The following SDC3 variants were observed in gnomAD, a reference collection of about 807,000 sequenced individuals.
SDC3 encodes the protein syndecan 3.
A neutral mutation model predicts 24.4 loss-of-function variants in SDC3; 13 were observed. The ratio of observed to expected loss-of-function variants is 0.53; its 90% CI spans 0.35 to 0.85. The LOEUF (loss-of-function observed/expected upper bound fraction) is 0.85, where lower values mean the gene tolerates loss of function less well. Among genes scored for constraint, SDC3 ranks in the 40% least tolerant of loss-of-function variants. The probability of loss-of-function intolerance (pLI) is 0.01; values close to 1 mark genes in which losing one functional copy is unlikely to be tolerated. For missense variants in SDC3, 571 were observed against 584.5 expected, an observed-to-expected ratio of 0.98 and a Z score of 0.24; for synonymous variants, 295 against 260.9, an observed-to-expected ratio of 1.13 and a Z score of -1.26.
intron 1 of SDC3, among the ~76,000 whole-genome samples, chr1:30,904,362 TG>T (rs1374164393): frequency 2.6e-5 from 4 of 152,058 alleles, no homozygotes; most frequent in Admixed American, 6.5e-5. Flanking sequence ...CCACTTGGGA[TG>T]AGCCCCCCCT....
At chr1:30,895,339 C>T (rs1639985928) in intron 1 of SDC3, among the ~76,000 whole-genome samples, 1 of 152,184 alleles carries the variant, frequency 6.6e-6, no homozygotes, top group South Asian at 2.1e-4. Context: ...CCTTGCAGAC[C>T]ATCCCTCAAG....
At chr1:30,890,866 C>T (rs182038267) in intron 1 of SDC3, among the ~76,000 whole-genome samples, 67 of 152,302 alleles carry the variant, frequency 4.4e-4, no homozygotes, top group African/African-American at 1.6e-3. Context: ...ACAGCCCCCG[C>T]CCCCAGACAG....
intron 1 of SDC3, among the ~76,000 whole-genome samples, chr1:30,898,650 C>A (rs78539916): frequency 2.0e-5 from 3 of 152,126 alleles, no homozygotes; most frequent in African/African-American, 7.2e-5. Flanking sequence ...AGACAAGCCA[C>A]GTGAAGGGAG....
At chr1:30,897,487 A>T (rs1638297204) in intron 1 of SDC3, among the ~76,000 whole-genome samples, 1 of 152,186 alleles carries the variant, frequency 6.6e-6, no homozygotes, top group East Asian at 1.9e-4. Flanking sequence ...CCATAGCCCC[A>T]TACAGACAGA....
Position 30,895,475 on chromosome 1 carries a change from C to T in SDC3, c.138+12974G>A, listed in dbSNP as rs562067780. ...AGAGGCCATGTAGGGGCTTCAGCCC[C>T]GGGGAAGCTGTTCCACTTCTCACTG... On this transcript the variant is annotated intron_variant, in intron 1 of 4. Coordinates refer to ENST00000339394, the MANE Select transcript of SDC3 (RefSeq NM_014654.4). Among the ~76,000 whole-genome samples the T allele has an allele frequency of 3.3e-5, 5 of 152,246 alleles. No individual in the cohort carries two copies. In the South Asian group the frequency reaches 6.2e-4, roughly 19 times the overall value.
rs1341436463 is a variant in SDC3, at chr1:30,908,514, GCCCGGCCGCGGC to G, written c.61_72del (p.Ala21_Gly24del). 3.8e-5 allele frequency: 37 copies of G among 976,920 alleles called. No individual in the cohort carries two copies. The highest frequency in any genetic ancestry group is 4.5e-5 in the South Asian group (1 of 21,998). 60.5% of individuals were successfully genotyped at this position (976,920 alleles called of 1,614,324 possible). On this transcript the variant is annotated inframe_deletion, in exon 1 of 5. Coordinates refer to ENST00000339394, the MANE Select transcript of SDC3 (RefSeq NM_014654.4). ...GGCAGGAGCAGCCCGCGGGCCCCGG[GCCCGGCCGCGGC>G]CCCGGCCCCGGCGCCGGCCCCGTGG...
At chr1:30,891,360 C>T (rs559497839) in intron 1 of SDC3, among the ~76,000 whole-genome samples, 167 of 152,374 alleles carry the variant, frequency 1.1e-3, no homozygotes, top group African/African-American at 3.3e-3. Context: ...AGCTGGCAGC[C>T]GCCAAGCCCC....
intron 1 of SDC3, among the ~76,000 whole-genome samples, chr1:30,888,872 G>C (rs565550878): frequency 1.3e-5 from 2 of 152,348 alleles, no homozygotes; most frequent in African/African-American, 4.8e-5. Flanking sequence ...CTGAGGCACA[G>C]AGCAAGGCAT....
chr1:30,896,876 T>C (rs1329565734), intron 1 of SDC3, among the ~76,000 whole-genome samples: 6 of 152,024 alleles, frequency 3.9e-5, no homozygotes, highest in Non-Finnish European at 7.4e-5. Flanking sequence ...GCCAGGAGAA[T>C]TGCTTGAACC....
At chr1:30,874,016 A>G (rs1466121593) in intron 4 of SDC3, among the ~76,000 whole-genome samples, 2 of 152,136 alleles carry the variant, frequency 1.3e-5, no homozygotes, top group African/African-American at 4.8e-5. Flanking sequence ...GGCCCAGGAA[A>G]GCAGGGATCA....
rs960984752 is a variant in SDC3 at position 30,905,010 on chromosome 1, G to A, written c.138+3439C>T. 2.6e-5 allele frequency among the ~76,000 whole-genome samples: 4 copies of A among 152,300 alleles called. No individual in the cohort carries two copies. The South Asian group carries it at 6.2e-4, about 24-fold the overall frequency. On this transcript the variant is annotated intron_variant, in intron 1 of 4. Transcript: ENST00000339394. The stretch of plus-strand genomic sequence containing the variant: ...CACACAGCAGGTGTCTGTCCCCAGA[G>A]CCCCTGGTACCTTGGGAGCTAACAG...
chr1:30,905,581 G>A (rs1018672225), intron 1 of SDC3, among the ~76,000 whole-genome samples: 1 of 151,992 alleles, frequency 6.6e-6, no homozygotes, highest in Non-Finnish European at 1.5e-5. Flanking sequence ...GGCACAGAGA[G>A]GTTAGGTAAC....
In SDC3 at chr1:30,872,551, C is replaced by T. The variant is rs1639557924; in HGVS notation, c.*660G>A. On this transcript the variant is annotated 3_prime_UTR_variant, in exon 5 of 5. Coordinates refer to ENST00000339394, the MANE Select transcript of SDC3 (RefSeq NM_014654.4). The stretch of plus-strand genomic sequence containing the variant: ...GGGACATCAGAGCAGCCCCTCCTCA[C>T]CAGTGGCTGCCCCAGCACCCTCAGG... 1 of 152,634 alleles carries T rather than the reference C, an allele frequency of 6.6e-6. No individual in the cohort carries two copies. Among genetic ancestry groups the T allele is most frequent in the African/African-American group, 2.4e-5 (1 of 41,384 alleles). 9.5% of individuals were successfully genotyped at this position (152,634 alleles called of 1,614,324 possible). A position where few individuals can be genotyped will look rare whatever the true frequency, so the allele number is the denominator to read the frequency against.
At chr1:30,884,401 G>A (rs1239789517) in intron 1 of SDC3, among the ~76,000 whole-genome samples, 1 of 151,866 alleles carries the variant, frequency 6.6e-6, no homozygotes, top group Non-Finnish European at 1.5e-5. Context: ...AGGCAGCTCA[G>A]AGGGCAGGAA....
intron 1 of SDC3, among the ~76,000 whole-genome samples, chr1:30,895,583 C>T (rs1374821200): frequency 6.6e-6 from 1 of 152,216 alleles, no homozygotes; most frequent in East Asian, 1.9e-4. Flanking sequence ...ATTCCTGGCT[C>T]TTTGCCCCAA....
chr1:30,876,496 C>A, intron 3 of SDC3, 56 bp downstream of exon 3: 1 of 1,417,574 alleles, frequency 7.1e-7, no homozygotes, highest in Non-Finnish European at 9.4e-7. Flanking sequence ...CCTCCTCATC[C>A]CTCCCCTGAC....
chr1:30,905,730 C>T (rs1378038116), intron 1 of SDC3, among the ~76,000 whole-genome samples: 22 of 152,124 alleles, frequency 1.4e-4, no homozygotes, highest in Admixed American at 1.4e-3. Context: ...AGGATCCTCA[C>T]ACTCCAAAAC....
At chr1:30,879,142 A>G (rs12757790) in intron 1 of SDC3, 11,261 of 167,326 alleles carry the variant, frequency 0.067, 471 homozygotes, top group Non-Finnish European at 0.092. Flanking sequence ...ATGGCCCTGC[A>G]TTTGGGGCCC....
chr1:30,898,445 G>A (rs188740614), intron 1 of SDC3, among the ~76,000 whole-genome samples: 148 of 152,226 alleles, frequency 9.7e-4, no homozygotes, highest in South Asian at 1.9e-3. Context: ...CCTAGTGCTC[G>A]GCTGAGACCA....
Sources: allele counts gnomAD v4.1 joint callset (sites outside exome capture counted in the v4.1 genomes callset), GRCh38; gene constraint gnomAD v4.1.1; transcripts MANE v1.5; gene names NCBI Gene and HGNC (gene_info 2026-07-23, HGNC 2026-07-21).